FAM171A1: variants seen among roughly 807,000 people sequenced by gnomAD.
FAM171A1 encodes the protein protein FAM171A1.
A neutral mutation model predicts 74.9 loss-of-function variants in FAM171A1; 23 were observed. The observed-to-expected ratio is 0.31, with a 90% CI of 0.22 to 0.44. The LOEUF (loss-of-function observed/expected upper bound fraction) is 0.44. Among genes scored for constraint, FAM171A1 ranks in the 20% least tolerant of loss-of-function variants. The probability of loss-of-function intolerance (pLI) is 1.00; values close to 1 mark genes in which losing one functional copy is unlikely to be tolerated. For missense variants in FAM171A1, 1,162 were observed against 1,159.2 expected (o/e 1.00, Z -0.03); for synonymous variants, 527 against 505.7 (o/e 1.04, Z -0.57).
intron 5 of FAM171A1, among the ~76,000 whole-genome samples, chr10:15,230,585 C>G (rs1336048726): frequency 1.3e-5 from 2 of 152,194 alleles, no homozygotes; most frequent in Non-Finnish European, 2.9e-5. Context: ...AGCTGCAACA[C>G]ATTCCCTGGG....
chr10:15,263,789 T>TCAC (rs1834697464), intron 3 of FAM171A1, among the ~76,000 whole-genome samples: 1 of 138,710 alleles, frequency 7.2e-6, no homozygotes, highest in Non-Finnish European at 1.6e-5. Flanking sequence ...CTATCTATCA[T>TCAC]CTATCCATCT....
At chr10:15,256,259 C>A (rs1041001401) in intron 3 of FAM171A1, among the ~76,000 whole-genome samples, 3 of 152,126 alleles carry the variant, frequency 2.0e-5, no homozygotes, top group Non-Finnish European at 2.9e-5. Flanking sequence ...CCTGTCTAGA[C>A]GTGTTCTAGA....
At chr10:15,345,907 GCAGACCCAGAA>G in intron 1 of FAM171A1, among the ~76,000 whole-genome samples, 1 of 152,310 alleles carries the variant, frequency 6.6e-6, no homozygotes, top group Middle Eastern at 3.4e-3. Flanking sequence ...TACAAGGAGA[GCAGACCCAGAA>G]ATGTCCGCTG....
intron 1 of FAM171A1, among the ~76,000 whole-genome samples, chr10:15,328,048 C>T (rs1430533886): frequency 6.7e-6 from 1 of 148,460 alleles, no homozygotes; most frequent in Non-Finnish European, 1.5e-5. Flanking sequence ...GTTGCCATTG[C>T]TTAAATCCAC....
chr10:15,327,284 A>G (rs1043580858), intron 1 of FAM171A1, among the ~76,000 whole-genome samples: 3 of 152,198 alleles, frequency 2.0e-5, no homozygotes, highest in Admixed American at 1.3e-4. Flanking sequence ...AAACCAGTCA[A>G]TGCTGAAAAC....
At chr10:15,247,278 T>C (rs79282780) in intron 5 of FAM171A1, among the ~76,000 whole-genome samples, 60 of 152,338 alleles carry the variant, frequency 3.9e-4, no homozygotes, top group African/African-American at 1.3e-3. Context: ...TATTGGTTGA[T>C]TGAGTGAGTG....
chr10:15,367,054 CCAGGCGTGGTGG>C (rs1368464538), intron 1 of FAM171A1, among the ~76,000 whole-genome samples: 2 of 152,026 alleles, frequency 1.3e-5, no homozygotes, highest in Non-Finnish European at 2.9e-5. Context: ...AAAAAAATAG[CCAGGCGTGGTGG>C]CGGGCACCTG....
chr10:15,232,486 C>T (rs1834220325), intron 5 of FAM171A1, among the ~76,000 whole-genome samples: 1 of 152,192 alleles, frequency 6.6e-6, no homozygotes, highest in Non-Finnish European at 1.5e-5. Context: ...TCATGTCTGG[C>T]ACAAAGAAGA....
intron 1 of FAM171A1, among the ~76,000 whole-genome samples, chr10:15,307,878 A>C (rs537043897): frequency 1.3e-5 from 2 of 150,840 alleles, no homozygotes; most frequent in African/African-American, 4.9e-5. Flanking sequence ...GCTACAGCTC[A>C]CTGCAGCCTC....
At chr10:15,316,558 T>C (rs1457305206) in intron 1 of FAM171A1, among the ~76,000 whole-genome samples, 1 of 152,170 alleles carries the variant, frequency 6.6e-6, no homozygotes, top group Non-Finnish European at 1.5e-5. Flanking sequence ...GACTTAGTGA[T>C]GATAGAATGG....
At chr10:15,289,199 G>A (rs572647144) in intron 1 of FAM171A1, among the ~76,000 whole-genome samples, 11 of 152,194 alleles carry the variant, frequency 7.2e-5, no homozygotes, top group South Asian at 6.2e-4. Context: ...CCATTCAACC[G>A]CAAACAAAAC....
intron 3 of FAM171A1, among the ~76,000 whole-genome samples, chr10:15,259,412 C>G (rs887250825): frequency 1.3e-5 from 2 of 152,102 alleles, no homozygotes; most frequent in Non-Finnish European, 2.9e-5. Flanking sequence ...CAGAAACCAT[C>G]AACGGATCTC....
chr10:15,355,403 C>T (rs1292337449), intron 1 of FAM171A1, among the ~76,000 whole-genome samples: 3 of 152,136 alleles, frequency 2.0e-5, no homozygotes, highest in Non-Finnish European at 4.4e-5. Flanking sequence ...TCAACAGTTG[C>T]ACCTTCCAAA....
At chr10:15,234,831 T>A (rs1226111375) in intron 5 of FAM171A1, among the ~76,000 whole-genome samples, 6 of 151,986 alleles carry the variant, frequency 3.9e-5, no homozygotes, top group African/African-American at 1.5e-4. Context: ...TTTTATTTAT[T>A]TTTTGTATTT....
At chr10:15,367,757 C>T (rs1373386349) in intron 1 of FAM171A1, among the ~76,000 whole-genome samples, 4 of 152,204 alleles carry the variant, frequency 2.6e-5, no homozygotes, top group Non-Finnish European at 5.9e-5. Context: ...AGCGCATCAT[C>T]GCAAAACACC....
At chr10:15,273,755 A>C (rs1262424336) in intron 3 of FAM171A1, among the ~76,000 whole-genome samples, 2 of 152,230 alleles carry the variant, frequency 1.3e-5, no homozygotes, top group Non-Finnish European at 2.9e-5. Flanking sequence ...AATGTAATCC[A>C]TCACATAAAC....
chr10:15,243,208 C>T lies in FAM171A1; in HGVS notation c.754+5431G>A, dbSNP rs541195647. Reference sequence around the variant, plus strand: ...CTCGCATTTCCAAAGTGCATGGCTCCGGCCTGCGCTCCCATCCTCACACTG... The same window carrying T: ...CTCGCATTTCCAAAGTGCATGGCTCTGGCCTGCGCTCCCATCCTCACACTG... On this transcript the variant is annotated intron_variant, in intron 5 of 7. Transcript: ENST00000378116. 3.3e-4 allele frequency among the ~76,000 whole-genome samples: 50 copies of T among 152,196 alleles called. 1 individual carries two copies. Among genetic ancestry groups the T allele is most frequent in the Admixed American group, 1.0e-3 (16 of 15,302 alleles).
intron 1 of FAM171A1, among the ~76,000 whole-genome samples, chr10:15,314,040 A>G (rs539749139): frequency 3.3e-5 from 5 of 152,304 alleles, no homozygotes; most frequent in East Asian, 3.9e-4. Context: ...TCGCTGGCAG[A>G]TATTTCCTGT....
chr10:15,218,525 AT>A (rs1244891825), intron 6 of FAM171A1, among the ~76,000 whole-genome samples: 1 of 152,156 alleles, frequency 6.6e-6, no homozygotes, highest in Non-Finnish European at 1.5e-5. Context: ...ATTTTTTGTA[AT>A]AAAGGTGGGT....
Sources: gnomAD v4.1 joint callset for allele counts (sites outside exome capture counted in the v4.1 genomes callset) on GRCh38, gnomAD v4.1.1 for gene constraint, MANE v1.5 for transcripts, NCBI Gene and HGNC (gene_info 2026-07-23, HGNC 2026-07-21) for gene names.